The following XIRP2 variants were observed in gnomAD, a reference collection of about 807,000 sequenced individuals.
The protein encoded by XIRP2 is xin actin binding repeat containing 2, also known as xin actin-binding repeat-containing protein 2.
XIRP2 carries 236 observed loss-of-function variants against 277.0 expected under a neutral mutation model. That is an observed-to-expected ratio of 0.85 (90% CI 0.77 to 0.95). The LOEUF is 0.95. XIRP2 is among the 40% of genes least tolerant of loss of function. The pLI is 0.00. For synonymous variants in XIRP2, 1,490 were observed against 1,416.5 expected, an observed-to-expected ratio of 1.05 and a Z score of -1.17; for missense variants, 4,640 against 4,157.5, an observed-to-expected ratio of 1.12 and a Z score of -3.19.
At position 167,087,219 on chromosome 2, in the gene XIRP2, A is replaced by G. The variant is rs1215614681; in HGVS notation, c.409-48690A>G. 4.6e-5 allele frequency among the ~76,000 whole-genome samples: 7 copies of G among 152,142 alleles called. No individual in the cohort carries two copies. In the East Asian group the frequency reaches 5.8e-4, roughly 13 times the overall value. ...ACCCTGCCGTGTGAGGTGTCAGTGTACCCCTGCTGGGGGATGCCTCCCAGT... is the reference window on the plus strand; with the variant it reads ...ACCCTGCCGTGTGAGGTGTCAGTGTGCCCCTGCTGGGGGATGCCTCCCAGT... On this transcript the variant is annotated intron_variant, in intron 2 of 10. Coordinates refer to ENST00000409195, the MANE Select transcript of XIRP2 (RefSeq NM_152381.6).
intron 2 of XIRP2, among the ~76,000 whole-genome samples, chr2:166,983,299 A>G (rs1346651082): frequency 2.0e-5 from 3 of 152,172 alleles, no homozygotes; most frequent in Non-Finnish European, 4.4e-5. Flanking sequence ...TCAAAAATTT[A>G]CATGTGATTG....
intron 2 of XIRP2, among the ~76,000 whole-genome samples, chr2:166,995,909 T>C (rs1425953214): frequency 1.3e-5 from 2 of 152,160 alleles, no homozygotes; most frequent in Non-Finnish European, 2.9e-5. Flanking sequence ...TTTCCTCAGC[T>C]TTCACCAGCC....
Position 167,251,310 on chromosome 2 carries a change from A to G in XIRP2, c.9918A>G (p.Ser3306=), listed in dbSNP as rs766204980. Reference sequence around the variant, plus strand: ...AGGTTGCAGTGCCTCCTCGCCTGTCAGAGCACACACAGAGATATGAAGCGG... The same window carrying G: ...AGGTTGCAGTGCCTCCTCGCCTGTCGGAGCACACACAGAGATATGAAGCGG... The part of the protein sequence containing the change: ...IRKVAVPPRL[S]EHTQRYEAAN... The change falls in exon 9 of 11, where the codon TCA becomes TCG. Residue 3306 remains serine, a synonymous_variant. Coordinates refer to ENST00000409195, the MANE Select transcript of XIRP2 (RefSeq NM_152381.6). 24 of 1,613,570 alleles carry G rather than the reference A, an allele frequency of 1.5e-5. 1 individual carries two copies. In the Admixed American group the frequency reaches 2.7e-4, roughly 18 times the overall value.
chr2:166,919,043 G>A (rs1318242225), intron 2 of XIRP2, among the ~76,000 whole-genome samples: 1 of 152,052 alleles, frequency 6.6e-6, no homozygotes, highest in Non-Finnish European at 1.5e-5. Flanking sequence ...AGTGGAGGTG[G>A]CTGTAAACAA....
In XIRP2 at chr2:167,025,563, A is replaced by G. The variant is rs1371395511; in HGVS notation, c.409-110346A>G. 2.6e-5 allele frequency among the ~76,000 whole-genome samples: 4 copies of G among 151,412 alleles called. No homozygotes were observed. In the East Asian group the frequency reaches 6.0e-4, roughly 23 times the overall value. On this transcript the variant is annotated intron_variant, in intron 2 of 10. Transcript: ENST00000409195. ...TGTGATGTTAGGGTGTCAATTTTGG[A>G]TCTTTCCTGCTTTCTCTTGTGGGCA...
intron 2 of XIRP2, among the ~76,000 whole-genome samples, chr2:167,030,919 G>T (rs1688327719): frequency 6.6e-6 from 1 of 151,824 alleles, no homozygotes; most frequent in South Asian, 2.1e-4. Context: ...TCTTCTTATT[G>T]CATTGATCCC....
At chr2:166,892,342 G>A (rs756974960) in intron 1 of XIRP2, among the ~76,000 whole-genome samples, 4 of 152,120 alleles carry the variant, frequency 2.6e-5, no homozygotes, top group Non-Finnish European at 4.4e-5. Flanking sequence ...ACACTGGGCC[G>A]GAGTATGGTG....
chr2:167,074,792 A>C (rs1383582977), intron 2 of XIRP2, among the ~76,000 whole-genome samples: 1 of 152,046 alleles, frequency 6.6e-6, no homozygotes, highest in African/African-American at 2.4e-5. Flanking sequence ...GGCACCAGCC[A>C]CCACACTCAG....
intron 2 of XIRP2, among the ~76,000 whole-genome samples, chr2:166,906,019 C>T (rs1292397707): frequency 6.6e-6 from 1 of 151,822 alleles, no homozygotes; most frequent in Non-Finnish European, 1.5e-5. Context: ...TATTTATTTG[C>T]ATAAATCATC....
intron 2 of XIRP2, among the ~76,000 whole-genome samples, chr2:167,018,856 A>G (rs369787357): frequency 1.3e-5 from 2 of 152,072 alleles, no homozygotes; most frequent in African/African-American, 2.4e-5. Context: ...TCCGTAGAGC[A>G]TGCAAAACTT....
intron 3 of XIRP2, among the ~76,000 whole-genome samples, chr2:167,169,872 T>C (rs774809550): frequency 1.2e-4 from 18 of 152,220 alleles, no homozygotes; most frequent in Non-Finnish European, 2.4e-4. Flanking sequence ...ATGAGAGCTG[T>C]ACTTCTTCCT....
intron 2 of XIRP2, among the ~76,000 whole-genome samples, chr2:167,122,498 G>A (rs58821409): frequency 0.095 from 14,442 of 152,172 alleles, 1,362 homozygotes; most frequent in African/African-American, 0.24. Context: ...GAATGGTGAC[G>A]TCGTTTCCAG....
At chr2:167,085,941 C>A (rs1447485906) in intron 2 of XIRP2, among the ~76,000 whole-genome samples, 1 of 152,010 alleles carries the variant, frequency 6.6e-6, no homozygotes, top group Non-Finnish European at 1.5e-5. Context: ...AGCCCATTTA[C>A]ATTTAAAGTT....
chr2:167,135,877 T>G (rs1691532425), intron 2 of XIRP2, 32 bp from the exon 3 acceptor site: 1 of 1,540,590 alleles, frequency 6.5e-7, no homozygotes, highest in Non-Finnish European at 8.7e-7. Flanking sequence ...CTGATAGCTT[T>G]TAACATACAA....
chr2:166,994,870 A>G (rs1476945929), intron 2 of XIRP2, among the ~76,000 whole-genome samples: 1 of 152,074 alleles, frequency 6.6e-6, no homozygotes, highest in Admixed American at 6.6e-5. Context: ...TTTTAATCCT[A>G]TAAATATTAT....
intron 2 of XIRP2, among the ~76,000 whole-genome samples, chr2:166,940,934 C>G (rs984300595): frequency 1.3e-5 from 2 of 152,174 alleles, no homozygotes; most frequent in Non-Finnish European, 2.9e-5. Flanking sequence ...TCTCAGATCT[C>G]CAGCTTCGTG....
chr2:166,975,256 T>C (rs1008453702), intron 2 of XIRP2, among the ~76,000 whole-genome samples: 1 of 152,120 alleles, frequency 6.6e-6, no homozygotes, highest in Non-Finnish European at 1.5e-5. Context: ...AAAAAATCAG[T>C]CAAGAATCAA....
chr2:167,028,287 A>G (rs1688230856), intron 2 of XIRP2, among the ~76,000 whole-genome samples: 1 of 152,064 alleles, frequency 6.6e-6, no homozygotes, highest in Admixed American at 6.6e-5. Flanking sequence ...TCAAGATAGT[A>G]TGTATGGTTA....
rs1695263999 is a variant in XIRP2 at position 167,246,376 on chromosome 2, G to A, written c.4984G>A (p.Ala1662Thr). 6.2e-7 allele frequency: 1 copy of A among 1,613,202 alleles called. No homozygotes were observed. The highest frequency in any genetic ancestry group is 1.1e-5 in the South Asian group (1 of 90,954). Residue 1662 changes from alanine (A) to threonine (T), a missense_variant, in exon 9 of 11, where the codon GCA (alanine) becomes ACA (threonine). Transcript: ENST00000409195. ...EEIVKGDVQQ[A>T]IKNLFSEERS... ...GATAGTGAAAGGTGATGTACAACAA[G>A]CAATAAAAAACCTGTTCTCTGAGGA...
Sources: allele counts gnomAD v4.1 joint callset (sites outside exome capture counted in the v4.1 genomes callset), GRCh38; gene constraint gnomAD v4.1.1; transcripts MANE v1.5; gene names NCBI Gene and HGNC (gene_info 2026-07-23, HGNC 2026-07-21).